Variants in SLC25A31 observed in about 807,000 individuals in gnomAD.
SLC25A31 encodes the protein solute carrier family 25 member 31.
Under a neutral mutation model 36.2 loss-of-function variants are expected in SLC25A31, and 40 were observed. That is an observed-to-expected ratio of 1.10 (90% CI 0.86 to 1.44). SLC25A31 has a LOEUF of 1.44. SLC25A31 is among the 40% of genes most tolerant of loss of function. The probability of loss-of-function intolerance (pLI) is 0.00; values close to 1 mark genes in which losing one functional copy is unlikely to be tolerated. For synonymous variants in SLC25A31, 143 were observed against 149.7 expected, an observed-to-expected ratio of 0.96 and a Z score of 0.32; for missense variants, 350 against 397.1, an observed-to-expected ratio of 0.88 and a Z score of 1.01.
At chr4:127,737,611 G>C (rs923458293) in intron 1 of SLC25A31, among the ~76,000 whole-genome samples, 5 of 151,906 alleles carry the variant, frequency 3.3e-5, no homozygotes, top group African/African-American at 1.2e-4. Context: ...CTGGACTGCA[G>C]GGCACAATCG....
At chr4:127,763,490 T>C (rs1270367071) in intron 2 of SLC25A31, among the ~76,000 whole-genome samples, 1 of 152,196 alleles carries the variant, frequency 6.6e-6, no homozygotes, top group Non-Finnish European at 1.5e-5. Context: ...ATTCAGATAC[T>C]CCTTTCTTCT....
intron 2 of SLC25A31, among the ~76,000 whole-genome samples, chr4:127,758,366 G>A (rs561886558): frequency 4.6e-5 from 7 of 152,142 alleles, no homozygotes; most frequent in East Asian, 3.9e-4. Flanking sequence ...ATTTAAGTTC[G>A]TTATAGATTC....
intron 1 of SLC25A31, among the ~76,000 whole-genome samples, chr4:127,734,702 A>G (rs1731591685): frequency 6.6e-6 from 1 of 152,070 alleles, no homozygotes; most frequent in Admixed American, 6.6e-5. Flanking sequence ...GAAGACTTAG[A>G]ACAGTGAGGT....
chr4:127,760,544 CTA>C, intron 2 of SLC25A31, among the ~76,000 whole-genome samples: 1 of 152,362 alleles, frequency 6.6e-6, no homozygotes, highest in East Asian at 1.9e-4. Flanking sequence ...ATGAGGAAGA[CTA>C]GAGCTGCTCC....
At chr4:127,758,930 C>T (rs900166813) in intron 2 of SLC25A31, among the ~76,000 whole-genome samples, 2 of 151,972 alleles carry the variant, frequency 1.3e-5, no homozygotes, top group African/African-American at 2.4e-5. Context: ...GTTCTTTTTG[C>T]GTGGGATTCC....
chr4:127,759,304 C>CT (rs1360098142), intron 2 of SLC25A31, among the ~76,000 whole-genome samples: 5 of 151,100 alleles, frequency 3.3e-5, no homozygotes, highest in Non-Finnish European at 7.4e-5. Context: ...ATGCTACTGA[C>CT]TTTTGTACAT....
chr4:127,750,303 A>C (rs1417515118), intron 2 of SLC25A31, among the ~76,000 whole-genome samples: 2 of 152,224 alleles, frequency 1.3e-5, no homozygotes, highest in African/African-American at 2.4e-5. Context: ...TGATAAACTC[A>C]TAAGTGGAAA....
chr4:127,750,284 G>A (rs937524731), intron 2 of SLC25A31, among the ~76,000 whole-genome samples: 3 of 152,124 alleles, frequency 2.0e-5, no homozygotes, highest in African/African-American at 4.8e-5. Flanking sequence ...TTACAGTAGG[G>A]TTACATCATG....
At chr4:127,766,989 C>T in intron 3 of SLC25A31, 77 bp from the exon 4 acceptor site, 2 of 1,252,298 alleles carry the variant, frequency 1.6e-6, no homozygotes, top group Non-Finnish European at 2.1e-6. Flanking sequence ...TCATTTAGAT[C>T]TGTAAAGGTT....
intron 1 of SLC25A31, among the ~76,000 whole-genome samples, chr4:127,731,979 T>C (rs1731535929): frequency 6.6e-6 from 1 of 152,232 alleles, no homozygotes; most frequent in Admixed American, 6.5e-5. Context: ...TTGTTCATCA[T>C]TGATTTTTTC....
At chr4:127,766,675 C>G in intron 3 of SLC25A31, among the ~76,000 whole-genome samples, 1 of 152,120 alleles carries the variant, frequency 6.6e-6, no homozygotes, top group Non-Finnish European at 1.5e-5. Context: ...GTTGCCCAGG[C>G]TGGTCTCGAA....
chr4:127,757,258 A>G (rs1417651437), intron 2 of SLC25A31, among the ~76,000 whole-genome samples: 1 of 152,196 alleles, frequency 6.6e-6, no homozygotes, highest in East Asian at 1.9e-4. Flanking sequence ...ATGGTACCCA[A>G]CAGGTAGCTT....
chr4:127,735,506 C>T (rs900709820), intron 1 of SLC25A31, among the ~76,000 whole-genome samples: 63 of 152,114 alleles, frequency 4.1e-4, no homozygotes, highest in African/African-American at 1.4e-3. Context: ...TTATTTGCTA[C>T]CTGTCTCCCT....
At position 127,773,590 on chromosome 4, in the gene SLC25A31, A is replaced by C. The variant is rs1197829199; in HGVS notation, c.*16A>C. ...TGGTAGGTAATCGGGAGAGTAAATT[A>C]AGAAATACATGGATTTAACTTGTTA... On this transcript the variant is annotated 3_prime_UTR_variant, in exon 6 of 6. Coordinates refer to ENST00000281154, the MANE Select transcript of SLC25A31 (RefSeq NM_031291.4). 1 of 1,541,388 alleles carries C rather than the reference A, an allele frequency of 6.5e-7. No individual in the cohort carries two copies. The highest frequency in any genetic ancestry group is 1.3e-5 in the South Asian group (1 of 79,814).
chr4:127,762,151 G>A (rs17012601), intron 2 of SLC25A31, among the ~76,000 whole-genome samples: 4,558 of 152,204 alleles, frequency 0.03, 300 homozygotes, highest in East Asian at 0.26. Context: ...ATAAACAGAG[G>A]AATTAAGAAT....
chr4:127,764,810 A>G (rs906893708), intron 3 of SLC25A31, among the ~76,000 whole-genome samples: 5 of 151,378 alleles, frequency 3.3e-5, no homozygotes, highest in African/African-American at 1.2e-4. Flanking sequence ...TTTTTGAGAA[A>G]GAGTGAAAAA....
intron 1 of SLC25A31, among the ~76,000 whole-genome samples, chr4:127,733,645 C>G (rs1231005705): frequency 6.6e-6 from 1 of 152,192 alleles, no homozygotes. Flanking sequence ...CTACCAACTT[C>G]CTTATTTTAA....
intron 1 of SLC25A31, among the ~76,000 whole-genome samples, chr4:127,734,701 G>C (rs1731591642): frequency 6.6e-6 from 1 of 151,632 alleles, no homozygotes; most frequent in Admixed American, 6.6e-5. Flanking sequence ...TGAAGACTTA[G>C]AACAGTGAGG....
intron 2 of SLC25A31, among the ~76,000 whole-genome samples, chr4:127,757,966 G>A (rs1482344196): frequency 2.0e-5 from 3 of 152,136 alleles, no homozygotes; most frequent in Non-Finnish European, 4.4e-5. Context: ...CCACATGGCT[G>A]GGGAGGCCTC....
Sources: gnomAD v4.1 joint callset for allele counts (sites outside exome capture counted in the v4.1 genomes callset) on GRCh38, gnomAD v4.1.1 for gene constraint, MANE v1.5 for transcripts, NCBI Gene and HGNC (gene_info 2026-07-23, HGNC 2026-07-21) for gene names.